The following GRM5 variants were observed in gnomAD, a reference collection of about 807,000 sequenced individuals.
GRM5 encodes metabotropic glutamate receptor 5.
Under a neutral mutation model 83.1 loss-of-function variants are expected in GRM5, and 19 were observed. That is an observed-to-expected ratio of 0.23 (90% confidence interval 0.16 to 0.34). GRM5 has a LOEUF of 0.34. Among genes scored for constraint, GRM5 ranks in the 10% least tolerant of loss-of-function variants. GRM5 has a pLI of 1.00. For synonymous variants in GRM5, 675 were observed against 633.6 expected, an observed-to-expected ratio of 1.07 and a Z score of -0.98; for missense variants, 1,160 against 1,588.3, an observed-to-expected ratio of 0.73 and a Z score of 4.58.
Position 88,567,240 on chromosome 11 carries a change from C to T in GRM5, c.2443G>A (p.Gly815Ser). 6.2e-7 allele frequency: 1 copy of T among 1,614,090 alleles called. No individual in the cohort carries two copies. ...TACACCTTCGGCACAAACATGCAGC[C>T]TAGGGCCACTGTGGCACTGAGGCTG... ...SVSLSATVALGCMFVPKVYII... is the reference protein window; with the variant it reads ...SVSLSATVALSCMFVPKVYII... The change falls in exon 8 of 10, where the codon GGC becomes AGC. Residue 815 changes from glycine to serine, a missense_variant. By Grantham distance (56) the Gly-to-Ser change is moderately conservative. Transcript: ENST00000305447. The surrounding 1 kb of genome is among the most constrained non-coding windows in gnomAD (Gnocchi z 7.3).
chr11:88,889,977 T>C (rs1281917349), intron 2 of GRM5, among the ~76,000 whole-genome samples: 1 of 152,204 alleles, frequency 6.6e-6, no homozygotes, highest in Non-Finnish European at 1.5e-5. Context: ...ATTTTGAGTT[T>C]TGGGTGTATC....
At chr11:88,992,612 C>G (rs1182573371) in intron 2 of GRM5, among the ~76,000 whole-genome samples, 1 of 151,464 alleles carries the variant, frequency 6.6e-6, no homozygotes, top group Non-Finnish European at 1.5e-5. Flanking sequence ...GACTTGGAAC[C>G]AACCCAAATG....
chr11:88,713,040 C>A (rs1287811325), intron 3 of GRM5, among the ~76,000 whole-genome samples: 3 of 151,854 alleles, frequency 2.0e-5, no homozygotes, highest in South Asian at 4.1e-4. Flanking sequence ...GCCTTCTATT[C>A]CCTTCTAGAT....
At chr11:89,023,558 T>C (rs1255784561) in intron 2 of GRM5, among the ~76,000 whole-genome samples, 1 of 151,960 alleles carries the variant, frequency 6.6e-6, no homozygotes, top group Non-Finnish European at 1.5e-5. Context: ...AGTTAAGAAA[T>C]TTTAAGGCCA....
intron 8 of GRM5, among the ~76,000 whole-genome samples, chr11:88,551,942 T>A (rs1942519793): frequency 6.6e-6 from 1 of 152,156 alleles, no homozygotes; most frequent in Non-Finnish European, 1.5e-5. Context: ...AGCCTTCTTC[T>A]ATGGTGTGTG....
At chr11:88,758,655 T>G (rs1942447378) in intron 3 of GRM5, among the ~76,000 whole-genome samples, 1 of 152,176 alleles carries the variant, frequency 6.6e-6, no homozygotes, top group Admixed American at 6.6e-5. Flanking sequence ...TGGAATCAAC[T>G]TGGAAAGCAT....
At chr11:89,021,669 C>T (rs888710840) in intron 2 of GRM5, among the ~76,000 whole-genome samples, 6 of 152,024 alleles carry the variant, frequency 3.9e-5, no homozygotes, top group African/African-American at 7.2e-5. Context: ...TGAAGATGAA[C>T]GGTAGAGCTA....
chr11:89,056,693 G>T (rs1379571803), intron 1 of GRM5, among the ~76,000 whole-genome samples: 2 of 152,050 alleles, frequency 1.3e-5, no homozygotes, highest in Admixed American at 6.6e-5. Flanking sequence ...TTCTTGTAAT[G>T]ATAAAAAAGC....
At chr11:88,986,278 A>G (rs1939707539) in intron 2 of GRM5, among the ~76,000 whole-genome samples, 1 of 152,190 alleles carries the variant, frequency 6.6e-6, no homozygotes, top group Non-Finnish European at 1.5e-5. Flanking sequence ...TTTATATAAC[A>G]TTCTTGAAAT....
intron 2 of GRM5, among the ~76,000 whole-genome samples, chr11:88,866,932 A>G (rs1456223600): frequency 6.6e-6 from 1 of 152,162 alleles, no homozygotes; most frequent in Non-Finnish European, 1.5e-5. Flanking sequence ...AAGGCTAGCC[A>G]GTTTTCCCAA....
At chr11:88,922,275 A>T (rs1219478109) in intron 2 of GRM5, among the ~76,000 whole-genome samples, 1 of 152,140 alleles carries the variant, frequency 6.6e-6, no homozygotes, top group Non-Finnish European at 1.5e-5. Context: ...AGAACAGCCA[A>T]CGCTATCCTG....
chr11:89,028,862 C>T (rs1310233590), intron 2 of GRM5, among the ~76,000 whole-genome samples: 1 of 152,084 alleles, frequency 6.6e-6, no homozygotes, highest in East Asian at 1.9e-4. Context: ...TATACACACA[C>T]GTGCCATGGT....
At chr11:88,654,826 C>A (rs933555107) in intron 3 of GRM5, among the ~76,000 whole-genome samples, 1 of 151,838 alleles carries the variant, frequency 6.6e-6, no homozygotes, top group African/African-American at 2.4e-5. Context: ...CATAAAAAAT[C>A]AGTGCCGAGA....
chr11:88,631,112 C>T (rs563118915), intron 4 of GRM5, among the ~76,000 whole-genome samples: 1 of 152,236 alleles, frequency 6.6e-6, no homozygotes, highest in African/African-American at 2.4e-5. Flanking sequence ...CAAAAACCTT[C>T]CCACATAGTT....
intron 2 of GRM5, among the ~76,000 whole-genome samples, chr11:88,850,984 C>A (rs1361730432): frequency 6.6e-6 from 1 of 152,022 alleles, no homozygotes; most frequent in Non-Finnish European, 1.5e-5. Flanking sequence ...CTATTATGGG[C>A]TCCATTCAAT....
intron 4 of GRM5, among the ~76,000 whole-genome samples, chr11:88,648,836 A>C (rs551355540): frequency 1.3e-5 from 2 of 151,678 alleles, no homozygotes; most frequent in African/African-American, 4.8e-5. Context: ...AGAATAAGTC[A>C]TATGTGTGAC....
rs74633516 is a variant in GRM5, at chr11:88,802,306, T to C, written c.911+47600A>G. Among the ~76,000 whole-genome samples the C allele has an allele frequency of 7.0e-3, 1,059 of 152,214 alleles. 13 individuals carry two copies. Among genetic ancestry groups the C allele is most frequent in the African/African-American group, 0.024 (998 of 41,526 alleles). On this transcript the variant is annotated intron_variant, in intron 3 of 9. Coordinates refer to ENST00000305447, the MANE Select transcript of GRM5 (RefSeq NM_001143831.3). ...AACCTAAGTATCCATCAACAGATAA[T>C]TGAATAAAGAAAATGTATATATACT... is the stretch of plus-strand genomic sequence containing the variant.
rs141176219 is a variant in GRM5, at chr11:88,794,535, G to T, written c.911+55371C>A. On this transcript the variant is annotated intron_variant, in intron 3 of 9. Transcript: ENST00000305447. ...AGACATTTAGAGGATGAATCAAGGT[G>T]GAAATACTAGAGGCAAAATGATCAG... 7.5e-3 allele frequency among the ~76,000 whole-genome samples: 1,144 copies of T among 152,214 alleles called. 15 individuals carry two copies. Among genetic ancestry groups the T allele is most frequent in the African/African-American group, 0.026 (1,087 of 41,508 alleles).
intron 7 of GRM5, 88 bp downstream of exon 7, chr11:88,590,513 T>A: frequency 9.9e-7 from 1 of 1,011,184 alleles, no homozygotes; most frequent in East Asian, 2.4e-5. Flanking sequence ...CTACCCAAGA[T>A]GAGTAACGCT....
Sources: allele counts gnomAD v4.1 joint callset (sites outside exome capture counted in the v4.1 genomes callset), GRCh38; gene constraint gnomAD v4.1.1; non-coding constraint Gnocchi (gnomAD v3.1); transcripts MANE v1.5; gene names NCBI Gene and HGNC (gene_info 2026-07-23, HGNC 2026-07-21).